Variants in NELL2 observed in about 807,000 individuals in gnomAD.
NELL2 encodes the protein protein kinase C-binding protein NELL2.
A neutral mutation model predicts 109.6 loss-of-function variants in NELL2; 41 were observed. The ratio of observed to expected loss-of-function variants is 0.37; its 90% CI spans 0.29 to 0.49. The LOEUF (loss-of-function observed/expected upper bound fraction) is 0.49. Ranked by LOEUF, NELL2 falls within the 20% of genes least tolerant of loss-of-function variation. NELL2 has a pLI of 0.98. For missense variants in NELL2, 900 were observed against 1,008.3 expected, an observed-to-expected ratio of 0.89 and a Z score of 1.45; for synonymous variants, 355 against 344.7, an observed-to-expected ratio of 1.03 and a Z score of -0.33.
chr12:44,589,236 T>A (rs994127200), intron 15 of NELL2, among the ~76,000 whole-genome samples: 3 of 151,322 alleles, frequency 2.0e-5, no homozygotes, highest in African/African-American at 7.3e-5. Flanking sequence ...TATTTAAGCT[T>A]ACACTCATTC....
intron 15 of NELL2, among the ~76,000 whole-genome samples, chr12:44,560,993 G>A (rs766454739): frequency 2.4e-4 from 37 of 152,068 alleles, no homozygotes; most frequent in African/African-American, 8.2e-4. Context: ...TGATCAAGTC[G>A]GCTTCATCCC....
intron 3 of NELL2, among the ~76,000 whole-genome samples, chr12:44,786,552 T>A (rs1942178860): frequency 6.6e-6 from 1 of 152,172 alleles, no homozygotes; most frequent in Non-Finnish European, 1.5e-5. Context: ...TTATAAAGCA[T>A]TCTACTATAA....
At chr12:44,595,006 T>C (rs778630884) in intron 15 of NELL2, among the ~76,000 whole-genome samples, 8 of 152,202 alleles carry the variant, frequency 5.3e-5, no homozygotes, top group Admixed American at 2.0e-4. Flanking sequence ...CACTCAGTAA[T>C]GTTTAGAGGT....
chr12:44,915,332 CA>C (rs1375260963), upstream of NELL2, among the ~76,000 whole-genome samples: 2 of 152,150 alleles, frequency 1.3e-5, no homozygotes, highest in African/African-American at 2.4e-5. Flanking sequence ...CAACTAATTG[CA>C]AAACACTGAA....
chr12:44,743,563 T>G (rs1940135895), intron 9 of NELL2, among the ~76,000 whole-genome samples: 1 of 152,050 alleles, frequency 6.6e-6, no homozygotes, highest in Non-Finnish European at 1.5e-5. Flanking sequence ...CCATCTCACG[T>G]GCAGAGACAC....
intron 7 of NELL2, 74 bp downstream of exon 7, chr12:44,776,968 A>G: frequency 1.6e-6 from 2 of 1,283,534 alleles, no homozygotes; most frequent in South Asian, 1.2e-5. Context: ...GTGAAAATCT[A>G]TGGTTATAAA....
At chr12:44,643,161 T>C (rs1038156670) in intron 13 of NELL2, among the ~76,000 whole-genome samples, 2 of 152,180 alleles carry the variant, frequency 1.3e-5, no homozygotes, top group African/African-American at 4.8e-5. Flanking sequence ...AATAACACTA[T>C]AGAAGTGTAT....
chr12:44,626,062 C>T (rs1428438787), intron 13 of NELL2, among the ~76,000 whole-genome samples: 17 of 151,948 alleles, frequency 1.1e-4, no homozygotes, highest in Non-Finnish European at 1.5e-5. Flanking sequence ...AGTTTAAAAG[C>T]GCATGATTTA....
chr12:44,631,859 T>C (rs1946469005), intron 13 of NELL2, among the ~76,000 whole-genome samples: 1 of 152,066 alleles, frequency 6.6e-6, no homozygotes, highest in Admixed American at 6.6e-5. Context: ...CTAAGCCCGA[T>C]AAAGGCATTA....
At chr12:44,666,007 C>A (rs1250171386) in intron 12 of NELL2, among the ~76,000 whole-genome samples, 1 of 151,912 alleles carries the variant, frequency 6.6e-6, no homozygotes, top group Non-Finnish European at 1.5e-5. Flanking sequence ...TTGAGCAGAC[C>A]CTGAAAGAGG....
chr12:44,691,243 T>A (rs1036966062), intron 12 of NELL2, among the ~76,000 whole-genome samples: 1 of 152,204 alleles, frequency 6.6e-6, no homozygotes, highest in African/African-American at 2.4e-5. Context: ...TTGTTTCATG[T>A]CTCCATGTCA....
chr12:44,508,966 A>G lies in NELL2; in HGVS notation c.2419T>C (p.Ser807Pro). 1.9e-6 allele frequency: 3 copies of G among 1,612,962 alleles called. No homozygotes were observed. The highest frequency in any genetic ancestry group is 2.5e-6 in the Non-Finnish European group (3 of 1,179,260). The part of the protein sequence containing the change: ...CQCKNGHICC[S>P]VDPQCLQEL Reference sequence around the variant, plus strand: ...TCCTGAAGGCACTGTGGATCCACTGAGCAACAGATGTGGCCATTCTAGATT... The same window carrying G: ...TCCTGAAGGCACTGTGGATCCACTGGGCAACAGATGTGGCCATTCTAGATT... The change falls in exon 20 of 20, where the codon TCA becomes CCA. Residue 807 changes from serine (S) to proline (P), a missense_variant. Physicochemically the swap from Ser to Pro is moderately conservative, Grantham distance 74. Coordinates refer to ENST00000429094, the MANE Select transcript of NELL2 (RefSeq NM_001145108.2).
chr12:44,849,758 A>G (rs1393884192), intron 2 of NELL2, among the ~76,000 whole-genome samples: 1 of 152,218 alleles, frequency 6.6e-6, no homozygotes, highest in Non-Finnish European at 1.5e-5. Flanking sequence ...ATCAGCAGGA[A>G]AATTGATCAT....
At chr12:44,892,774 G>T (rs1945549321) in intron 1 of NELL2, among the ~76,000 whole-genome samples, 1 of 147,050 alleles carries the variant, frequency 6.8e-6, no homozygotes, top group Non-Finnish European at 1.5e-5. Flanking sequence ...CTCCAGGCTG[G>T]GCGACAGAGC....
rs566728093 is a variant in NELL2, at chr12:44,728,985, C to T, written c.995-14244G>A. Among the ~76,000 whole-genome samples, 292 of 151,884 alleles carry T rather than the reference C, an allele frequency of 1.9e-3. 1 individual carries two copies. Among genetic ancestry groups the T allele is most frequent in the Non-Finnish European group, 3.6e-3 (242 of 67,926 alleles). ...CCTTACAGAAAATGATAACAGAAGA[C>T]CTTAAAGTTGAAATGAAAAAAATAC... On this transcript the variant is annotated intron_variant, in intron 9 of 19. Coordinates refer to ENST00000429094, the MANE Select transcript of NELL2 (RefSeq NM_001145108.2).
rs140574664 is a variant in NELL2 at position 44,588,480 on chromosome 12, T to G, written c.1663+18689A>C. Among the ~76,000 whole-genome samples, 406 of 152,208 alleles carry G rather than the reference T, an allele frequency of 2.7e-3. 2 individuals are homozygous for G. Among genetic ancestry groups the G allele is most frequent in the African/African-American group, 9.3e-3 (387 of 41,522 alleles). On this transcript the variant is annotated intron_variant, in intron 15 of 19. Coordinates refer to ENST00000429094, the MANE Select transcript of NELL2 (RefSeq NM_001145108.2). ...TGACGTCCACTGGCTTAGGGGACAT[T>G]GTGGAGGATAATTTGTCTCAGGGAT...
chr12:44,744,375 A>G (rs991926478), intron 9 of NELL2, among the ~76,000 whole-genome samples: 10 of 152,230 alleles, frequency 6.6e-5, no homozygotes, highest in African/African-American at 1.9e-4. Flanking sequence ...ACACCCTAAC[A>G]TCACAATTAA....
At chr12:44,894,311 CTA>C (rs1945569050) in intron 1 of NELL2, among the ~76,000 whole-genome samples, 1 of 152,054 alleles carries the variant, frequency 6.6e-6, no homozygotes, top group Middle Eastern at 3.2e-3. Flanking sequence ...TAACATACAT[CTA>C]TGTTTTGTTC....
intron 9 of NELL2, among the ~76,000 whole-genome samples, chr12:44,752,456 TCTTAAATGATTCACC>T (rs1265957272): frequency 2.0e-5 from 3 of 152,158 alleles, no homozygotes. Flanking sequence ...ATCAAGGTGA[TCTTAAATGATTCACC>T]CAGGTTCACA....
Sources: allele counts gnomAD v4.1 joint callset (sites outside exome capture counted in the v4.1 genomes callset), GRCh38; gene constraint gnomAD v4.1.1; transcripts MANE v1.5; gene names NCBI Gene and HGNC (gene_info 2026-07-23, HGNC 2026-07-21).